The following FRMPD4 variants were observed in gnomAD, a reference collection of about 807,000 sequenced individuals.
FRMPD4 encodes the protein FERM and PDZ domain-containing protein 4.
FRMPD4 carries 22 observed loss-of-function variants against 94.1 expected under a neutral mutation model. The observed-to-expected ratio is 0.23, with a 90% confidence interval of 0.17 to 0.33. The LOEUF (loss-of-function observed/expected upper bound fraction) is 0.33, where lower values mean the gene tolerates loss of function less well. Among genes scored for constraint, FRMPD4 ranks in the 10% least tolerant of loss-of-function variants. FRMPD4 has a pLI of 1.00. For synonymous variants in FRMPD4, 631 were observed against 548.6 expected, an observed-to-expected ratio of 1.15 and a Z score of -2.10; for missense variants, 1,111 against 1,339.9, an observed-to-expected ratio of 0.83 and a Z score of 2.67.
At chrX:12,484,176 T>C (rs1453444177) in intron 1 of FRMPD4, among the ~76,000 whole-genome samples, 1 of 112,269 alleles carries the variant, frequency 8.9e-6, no homozygotes, top group Non-Finnish European at 1.9e-5. Flanking sequence ...AAGATACACA[T>C]ATAAAGGAGG....
chrX:11,973,598 T>G (rs1362643342), intron 3 of FRMPD4, among the ~76,000 whole-genome samples: 1 of 112,318 alleles, frequency 8.9e-6, no homozygotes, highest in African/African-American at 3.2e-5. Flanking sequence ...AGGCAGCTAA[T>G]TGACTATAAA....
At chrX:12,311,323 A>G (rs1317003511) in intron 1 of FRMPD4, among the ~76,000 whole-genome samples, 1 of 112,168 alleles carries the variant, frequency 8.9e-6, no homozygotes, top group African/African-American at 3.3e-5. Context: ...CAATATTTTT[A>G]TCCTTCTCCC....
chrX:12,112,901 A>G (rs915583187), intron 3 of FRMPD4, among the ~76,000 whole-genome samples: 1 of 111,250 alleles, frequency 9.0e-6, no homozygotes, highest in African/African-American at 3.3e-5. Context: ...GGTGACCAAG[A>G]CCTGGCCAAT....
chrX:12,393,666 A>AT (rs2056506079), intron 1 of FRMPD4, among the ~76,000 whole-genome samples: 1 of 112,378 alleles, frequency 8.9e-6, no homozygotes, highest in African/African-American at 3.2e-5. Flanking sequence ...TTTGGAACAA[A>AT]TATACCTGGA....
intron 2 of FRMPD4, among the ~76,000 whole-genome samples, chrX:12,506,067 T>C (rs1440068079): frequency 9.0e-6 from 1 of 111,572 alleles, no homozygotes. Context: ...GGTGTTCAGG[T>C]TGAGAAGGCT....
At chrX:12,436,336 C>T (rs917389901) in intron 1 of FRMPD4, among the ~76,000 whole-genome samples, 7 of 110,815 alleles carry the variant, frequency 6.3e-5, no homozygotes, top group Non-Finnish European at 9.5e-5. Flanking sequence ...TTTATTTTTG[C>T]CCTCTCTCTC....
chrX:12,415,088 G>C (rs1227246159), intron 1 of FRMPD4, among the ~76,000 whole-genome samples: 1 of 110,624 alleles, frequency 9.0e-6, no homozygotes, highest in African/African-American at 3.3e-5. Context: ...GGGTGTTGAG[G>C]GAATTGCATT....
intron 3 of FRMPD4, among the ~76,000 whole-genome samples, chrX:12,046,267 C>T (rs1471606017): frequency 2.7e-5 from 3 of 111,069 alleles, no homozygotes; most frequent in Admixed American, 9.5e-5. Flanking sequence ...CAATAAAGTT[C>T]GAAATCAGTA....
At chrX:12,669,788 G>C (rs745785929) in intron 4 of FRMPD4, among the ~76,000 whole-genome samples, 1 of 112,038 alleles carries the variant, frequency 8.9e-6, no homozygotes, top group South Asian at 3.8e-4. Flanking sequence ...AGGAATACAG[G>C]CAGCCTCTAG....
At chrX:12,475,389 T>C (rs2057581589) in intron 1 of FRMPD4, among the ~76,000 whole-genome samples, 1 of 111,741 alleles carries the variant, frequency 8.9e-6, no homozygotes, top group Admixed American at 9.5e-5. Context: ...AGCATTCCCT[T>C]TGAAAACTGG....
intron 3 of FRMPD4, among the ~76,000 whole-genome samples, chrX:11,965,584 T>A (rs2054305871): frequency 8.9e-6 from 1 of 111,951 alleles, no homozygotes; most frequent in Admixed American, 9.4e-5. Context: ...ATTCTGTAAA[T>A]ATTTCACTGC....
chrX:12,554,709 G>C (rs2058576774), intron 2 of FRMPD4, among the ~76,000 whole-genome samples: 1 of 111,687 alleles, frequency 9.0e-6, no homozygotes, highest in East Asian at 2.8e-4. Context: ...ACCTCCCAGG[G>C]CTCAGGTGAT....
At chrX:12,339,866 C>T (rs188745056) in intron 1 of FRMPD4, among the ~76,000 whole-genome samples, 65 of 112,192 alleles carry the variant, frequency 5.8e-4, no homozygotes, top group African/African-American at 2.1e-3. Flanking sequence ...CCGCCCACCT[C>T]GGCCTCCCAA....
chrX:12,030,901 A>G (rs1027877980), intron 3 of FRMPD4, among the ~76,000 whole-genome samples: 7 of 112,179 alleles, frequency 6.2e-5, no homozygotes, highest in Admixed American at 4.7e-4. Flanking sequence ...GTACTCTAAC[A>G]GATTCCAATA....
At chrX:12,022,037 CA>C (rs1236674438) in intron 3 of FRMPD4, among the ~76,000 whole-genome samples, 1 of 112,074 alleles carries the variant, frequency 8.9e-6, no homozygotes, top group African/African-American at 3.2e-5. Flanking sequence ...CCTTGCATAT[CA>C]AAAGGTTGGA....
At chrX:12,657,967 C>A (rs188553355) in intron 4 of FRMPD4, among the ~76,000 whole-genome samples, 253 of 111,893 alleles carry the variant, frequency 2.3e-3, no homozygotes, top group African/African-American at 7.4e-3. Context: ...ATAGCTGTAG[C>A]TGCCACTGCC....
chrX:12,019,932 C>T (rs762078083), intron 3 of FRMPD4, among the ~76,000 whole-genome samples: 2 of 111,986 alleles, frequency 1.8e-5, no homozygotes, highest in Non-Finnish European at 3.8e-5. Flanking sequence ...TTAATCCTCA[C>T]GACAATCTGT....
At chrX:12,429,643 G>T (rs1468310272) in intron 1 of FRMPD4, among the ~76,000 whole-genome samples, 1 of 112,231 alleles carries the variant, frequency 8.9e-6, no homozygotes, top group Non-Finnish European at 1.9e-5. Context: ...AGTTTTCAAA[G>T]GTAGAGGGTG....
At chrX:12,512,081 T>C (rs1289005068) in intron 2 of FRMPD4, among the ~76,000 whole-genome samples, 1 of 112,246 alleles carries the variant, frequency 8.9e-6, no homozygotes, top group African/African-American at 3.2e-5. Flanking sequence ...AATCTTCCGT[T>C]AGCAAAAAGA....
Sources: gnomAD v4.1 joint callset for allele counts (sites outside exome capture counted in the v4.1 genomes callset) on GRCh38, gnomAD v4.1.1 for gene constraint, MANE v1.5 for transcripts, NCBI Gene and HGNC (gene_info 2026-07-23, HGNC 2026-07-21) for gene names.